Variants in TMEM108 observed in about 807,000 individuals in gnomAD.
TMEM108 encodes transmembrane protein 108, also known as cancer/testis antigen 124.
TMEM108 carries 12 observed loss-of-function variants against 35.1 expected under a neutral mutation model. The ratio of observed to expected loss-of-function variants is 0.34; its 90% CI spans 0.22 to 0.55. TMEM108 has a LOEUF of 0.55. Among genes scored for constraint, TMEM108 ranks in the 20% least tolerant of loss-of-function variants. The probability of loss-of-function intolerance (pLI) is 0.89; values close to 1 mark genes in which losing one functional copy is unlikely to be tolerated. For missense variants in TMEM108, 680 were observed against 753.3 expected (o/e 0.90, Z 1.14); for synonymous variants, 287 against 308.6 (o/e 0.93, Z 0.73).
chr3:133,292,165 A>G (rs1947078909), intron 3 of TMEM108, among the ~76,000 whole-genome samples: 1 of 106,128 alleles, frequency 9.4e-6, no homozygotes, highest in African/African-American at 2.9e-5. Flanking sequence ...GAAGAAGAGA[A>G]TGTTTTTTTT....
intron 3 of TMEM108, among the ~76,000 whole-genome samples, chr3:133,350,486 C>T (rs1171263747): frequency 6.6e-6 from 1 of 152,124 alleles, no homozygotes; most frequent in Non-Finnish European, 1.5e-5. Context: ...AATAGATATG[C>T]TAAATACCCT....
chr3:133,376,247 A>C (rs1351869357), intron 3 of TMEM108, among the ~76,000 whole-genome samples: 2 of 152,148 alleles, frequency 1.3e-5, no homozygotes, highest in African/African-American at 4.8e-5. Flanking sequence ...TTTAAAGATC[A>C]GTCTGTATTA....
intron 2 of TMEM108, among the ~76,000 whole-genome samples, chr3:133,055,766 C>T (rs1943458389): frequency 6.6e-6 from 1 of 152,186 alleles, no homozygotes; most frequent in Non-Finnish European, 1.5e-5. Flanking sequence ...TATCAGCACA[C>T]CCCTTTAGAG....
chr3:133,040,655 C>G (rs770627457), intron 1 of TMEM108, among the ~76,000 whole-genome samples: 1 of 152,014 alleles, frequency 6.6e-6, no homozygotes, highest in African/African-American at 2.4e-5. Context: ...GTTTGGCCTG[C>G]GGAAGGGAGG....
intron 1 of TMEM108, among the ~76,000 whole-genome samples, chr3:133,043,070 C>T (rs1473362600): frequency 6.6e-6 from 1 of 152,232 alleles, no homozygotes; most frequent in Non-Finnish European, 1.5e-5. Context: ...GCTTTAAAAA[C>T]TTTTCTGCAT....
At chr3:133,353,190 G>T (rs1290238638) in intron 3 of TMEM108, among the ~76,000 whole-genome samples, 2 of 152,306 alleles carry the variant, frequency 1.3e-5, no homozygotes, top group Non-Finnish European at 1.5e-5. Flanking sequence ...GGGGGTGGAG[G>T]AGATCCTTTC....
chr3:133,379,766 T>C lies in TMEM108; in HGVS notation c.55T>C (p.Leu19=). Residue 19 remains leucine (L), a synonymous_variant, in exon 4 of 6, where the codon TTG becomes CTG. Coordinates refer to ENST00000321871, the MANE Select transcript of TMEM108 (RefSeq NM_023943.4). ...YCQLLSFLLI[L]ALTEALAFAI... The stretch of plus-strand genomic sequence containing the variant: ...TCCTTTTCAAGGTTTCCTGCTGATC[T>C]TGGCACTGACCGAAGCGCTGGCATT... The C allele has an allele frequency of 1.2e-6, 2 of 1,613,736 alleles. No homozygotes were observed. The highest frequency in any genetic ancestry group is 1.7e-5 in the Admixed American group (1 of 59,996).
At chr3:133,327,913 C>T (rs950128568) in intron 3 of TMEM108, among the ~76,000 whole-genome samples, 2 of 152,132 alleles carry the variant, frequency 1.3e-5, no homozygotes, top group East Asian at 1.9e-4. Flanking sequence ...GAGTGAAATA[C>T]GTATCTCAGT....
chr3:133,267,768 G>A (rs1946719702), intron 3 of TMEM108, among the ~76,000 whole-genome samples: 1 of 152,210 alleles, frequency 6.6e-6, no homozygotes, highest in South Asian at 2.1e-4. Flanking sequence ...ATGGACAGGA[G>A]CCCTCCTCAG....
chr3:133,122,503 A>G (rs1423762191), intron 2 of TMEM108, among the ~76,000 whole-genome samples: 1 of 152,180 alleles, frequency 6.6e-6, no homozygotes, highest in Non-Finnish European at 1.5e-5. Context: ...AAAATCTAAC[A>G]ATACAAAGGC....
chr3:133,306,117 G>C (rs891729188), intron 3 of TMEM108, among the ~76,000 whole-genome samples: 6 of 152,064 alleles, frequency 3.9e-5, no homozygotes, highest in Non-Finnish European at 8.8e-5. Context: ...TATTGATAAA[G>C]TTCGATTTAT....
rs375004777 is a variant in TMEM108 at position 133,244,378 on chromosome 3, T to C, written c.40+15027T>C. On this transcript the variant is annotated intron_variant, in intron 3 of 5. Coordinates refer to ENST00000321871, the MANE Select transcript of TMEM108 (RefSeq NM_023943.4). ...GTATCATGTTACAAATACAACTTACTGCATCTTCCTCCTCTCCTCTATGAA... is the reference window on the plus strand; with the variant it reads ...GTATCATGTTACAAATACAACTTACCGCATCTTCCTCCTCTCCTCTATGAA... Among the ~76,000 whole-genome samples the C allele has an allele frequency of 6.6e-5, 10 of 152,296 alleles. No individual in the cohort carries two copies. In the East Asian group the frequency reaches 1.3e-3, roughly 21 times the overall value.
At chr3:133,245,370 T>C (rs919527631) in intron 3 of TMEM108, among the ~76,000 whole-genome samples, 6 of 152,196 alleles carry the variant, frequency 3.9e-5, no homozygotes, top group African/African-American at 1.4e-4. Flanking sequence ...CTTCAACTTA[T>C]TCCTTGCGAA....
At chr3:133,235,264 T>C (rs12330431) in intron 3 of TMEM108, among the ~76,000 whole-genome samples, 28,251 of 150,308 alleles carry the variant, frequency 0.19, 2,117 homozygotes, top group Middle Eastern at 0.29. Flanking sequence ...TTAAAGTTCA[T>C]ATGGAACCAA....
At chr3:133,177,286 A>G (rs1411364585) in intron 2 of TMEM108, among the ~76,000 whole-genome samples, 1 of 152,200 alleles carries the variant, frequency 6.6e-6, no homozygotes, top group African/African-American at 2.4e-5. Context: ...ATCAATAGAA[A>G]AAGAGGGAAT....
intron 2 of TMEM108, among the ~76,000 whole-genome samples, chr3:133,195,851 C>T (rs1945568093): frequency 6.6e-6 from 1 of 152,204 alleles, no homozygotes; most frequent in Non-Finnish European, 1.5e-5. Context: ...ACATGACAAA[C>T]CTATACGTGG....
chr3:133,244,972 A>AG (rs1428462826), intron 3 of TMEM108, among the ~76,000 whole-genome samples: 2 of 152,306 alleles, frequency 1.3e-5, no homozygotes, highest in Non-Finnish European at 2.9e-5. Flanking sequence ...TTTAAAGAAG[A>AG]GGGAGAGGAA....
intron 3 of TMEM108, among the ~76,000 whole-genome samples, chr3:133,309,433 A>T (rs947901520): frequency 6.6e-6 from 1 of 151,994 alleles, no homozygotes; most frequent in African/African-American, 2.4e-5. Context: ...TTGCTTCTCT[A>T]GTTCTTTTAA....
At chr3:133,117,716 C>A (rs1237012993) in intron 2 of TMEM108, among the ~76,000 whole-genome samples, 1 of 152,170 alleles carries the variant, frequency 6.6e-6, no homozygotes, top group South Asian at 2.1e-4. Context: ...CCACCAATGT[C>A]TTGCACACAA....
Sources: allele counts gnomAD v4.1 joint callset (sites outside exome capture counted in the v4.1 genomes callset), GRCh38; gene constraint gnomAD v4.1.1; transcripts MANE v1.5; gene names NCBI Gene and HGNC (gene_info 2026-07-23, HGNC 2026-07-21).